CDH12: variants seen among roughly 807,000 people sequenced by gnomAD.
CDH12 encodes the protein cadherin-12.
Under a neutral mutation model 74.1 loss-of-function variants are expected in CDH12, and 41 were observed. That is an observed-to-expected ratio of 0.55 (90% CI 0.43 to 0.72). The LOEUF (loss-of-function observed/expected upper bound fraction) is 0.72. CDH12 is among the 30% of genes least tolerant of loss of function. The pLI, the probability that CDH12 is intolerant of heterozygous loss-of-function variation, is 0.00. For missense variants in CDH12, 945 were observed against 977.2 expected, an observed-to-expected ratio of 0.97 and a Z score of 0.44; for synonymous variants, 399 against 355.0, an observed-to-expected ratio of 1.12 and a Z score of -1.39.
intron 1 of CDH12, among the ~76,000 whole-genome samples, chr5:22,552,065 G>C (rs1738598659): frequency 1.3e-5 from 2 of 152,048 alleles, no homozygotes; most frequent in South Asian, 2.1e-4. Flanking sequence ...GGAGTGAACA[G>C]AGCATAGGTG....
chr5:22,703,379 A>G (rs1742819311), intron 1 of CDH12, among the ~76,000 whole-genome samples: 1 of 152,118 alleles, frequency 6.6e-6, no homozygotes, highest in South Asian at 2.1e-4. Context: ...TTTGATTTGC[A>G]CTAACATCCT....
At chr5:22,533,627 A>G (rs1327839026) in intron 1 of CDH12, among the ~76,000 whole-genome samples, 1 of 152,158 alleles carries the variant, frequency 6.6e-6, no homozygotes, top group African/African-American at 2.4e-5. Flanking sequence ...ATAAAACAGC[A>G]TAGACACCAC....
intron 8 of CDH12, among the ~76,000 whole-genome samples, chr5:21,817,620 A>G (rs1000490388): frequency 1.3e-5 from 2 of 152,024 alleles, no homozygotes; most frequent in African/African-American, 2.4e-5. Flanking sequence ...TTCAATAAGT[A>G]TACATCATTA....
intron 2 of CDH12, among the ~76,000 whole-genome samples, chr5:22,420,702 A>C (rs571748937): frequency 6.6e-6 from 1 of 152,300 alleles, no homozygotes; most frequent in South Asian, 2.1e-4. Flanking sequence ...TATTAATTTT[A>C]AAGTAGTTTT....
At chr5:21,832,092 C>G (rs1749055367) in intron 8 of CDH12, among the ~76,000 whole-genome samples, 1 of 152,000 alleles carries the variant, frequency 6.6e-6, no homozygotes, top group African/African-American at 2.4e-5. Flanking sequence ...TATTTAATAT[C>G]TTTCAGAAAA....
At chr5:22,751,795 A>C (rs1262044979) in intron 1 of CDH12, among the ~76,000 whole-genome samples, 3 of 152,174 alleles carry the variant, frequency 2.0e-5, no homozygotes, top group Non-Finnish European at 4.4e-5. Flanking sequence ...TTTTATTCTA[A>C]ACATTTATGA....
chr5:21,986,512 G>C lies in CDH12; in HGVS notation c.232-11127C>G, dbSNP rs1212083265. 2.0e-5 allele frequency among the ~76,000 whole-genome samples: 3 copies of C among 152,134 alleles called. No homozygotes were observed. In the East Asian group the frequency reaches 5.8e-4, roughly 29 times the overall value. ...ACCCAGGATTTGGGAAGAAAAATAT[G>C]AGAGAAGGTTAAAATAACTTCTTTC... On this transcript the variant is annotated intron_variant, in intron 5 of 14. Transcript: ENST00000382254.
chr5:22,192,034 C>A (rs952203359), intron 4 of CDH12, among the ~76,000 whole-genome samples: 1 of 152,092 alleles, frequency 6.6e-6, no homozygotes, highest in African/African-American at 2.4e-5. Context: ...CTCCAGGATT[C>A]AAGTGATTCT....
intron 1 of CDH12, among the ~76,000 whole-genome samples, chr5:22,843,283 A>G (rs1737157693): frequency 6.6e-6 from 1 of 152,060 alleles, no homozygotes; most frequent in Admixed American, 6.6e-5. Context: ...GGTGACATGA[A>G]CTAATGGACC....
chr5:22,276,656 G>T (rs1041591046), intron 3 of CDH12, among the ~76,000 whole-genome samples: 1 of 152,060 alleles, frequency 6.6e-6, no homozygotes, highest in African/African-American at 2.4e-5. Flanking sequence ...GAAGTACTAG[G>T]ACTATTTTAA....
At chr5:22,619,662 T>C (rs1461816849) in intron 1 of CDH12, among the ~76,000 whole-genome samples, 2 of 151,992 alleles carry the variant, frequency 1.3e-5, no homozygotes, top group Non-Finnish European at 2.9e-5. Flanking sequence ...TGAGCTCCCA[T>C]TCTCCTTCTG....
At chr5:22,104,739 C>T (rs1291210413) in intron 4 of CDH12, among the ~76,000 whole-genome samples, 1 of 152,144 alleles carries the variant, frequency 6.6e-6, no homozygotes. Flanking sequence ...CTTTTTGATC[C>T]TTACCAGCCT....
chr5:22,213,114 C>T (rs1007932682), intron 3 of CDH12, among the ~76,000 whole-genome samples: 1 of 152,096 alleles, frequency 6.6e-6, no homozygotes, highest in Non-Finnish European at 1.5e-5. Context: ...ATGTTTAAAG[C>T]GATGTGATCA....
chr5:22,324,997 A>T (rs1219781167), intron 3 of CDH12, among the ~76,000 whole-genome samples: 1 of 152,212 alleles, frequency 6.6e-6, no homozygotes, highest in Non-Finnish European at 1.5e-5. Context: ...AATGCCATTC[A>T]TTAAAAATTG....
chr5:22,403,190 G>A (rs1742804570), intron 3 of CDH12, among the ~76,000 whole-genome samples: 2 of 152,146 alleles, frequency 1.3e-5, no homozygotes, highest in East Asian at 1.9e-4. Flanking sequence ...GAAACTGTGA[G>A]AGAATGATTT....
At chr5:22,607,241 T>G (rs1737164465) in intron 1 of CDH12, among the ~76,000 whole-genome samples, 1 of 152,202 alleles carries the variant, frequency 6.6e-6, no homozygotes, top group Admixed American at 6.5e-5. Flanking sequence ...AGCTGAATGT[T>G]AATCACCAAA....
At chr5:22,385,984 C>T (rs1419101081) in intron 3 of CDH12, among the ~76,000 whole-genome samples, 3 of 151,098 alleles carry the variant, frequency 2.0e-5, no homozygotes, top group South Asian at 2.1e-4. Flanking sequence ...CCTCTGCCTC[C>T]CAGTTTCAAG....
chr5:22,524,180 C>G (rs888353978), intron 1 of CDH12, among the ~76,000 whole-genome samples: 11 of 151,946 alleles, frequency 7.2e-5, no homozygotes, highest in African/African-American at 2.7e-4. Flanking sequence ...GACAGAGTTG[C>G]ACCATGTTGT....
chr5:22,585,635 C>T (rs563604480), intron 1 of CDH12, among the ~76,000 whole-genome samples: 1 of 152,072 alleles, frequency 6.6e-6, no homozygotes, highest in Non-Finnish European at 1.5e-5. Flanking sequence ...TTGATACTTT[C>T]TTCTGAAGGA....
Sources: allele counts gnomAD v4.1 joint callset (sites outside exome capture counted in the v4.1 genomes callset), GRCh38; gene constraint gnomAD v4.1.1; transcripts MANE v1.5; gene names NCBI Gene and HGNC (gene_info 2026-07-23, HGNC 2026-07-21).